Variants in CSMD1 observed in about 807,000 individuals in gnomAD.
CSMD1 encodes CUB and Sushi multiple domains 1, also known as CUB and sushi domain-containing protein 1.
In CSMD1, 213 loss-of-function variants were observed where a neutral mutation model predicts 417.5. That is an observed-to-expected ratio of 0.51 (90% CI 0.46 to 0.57). CSMD1 has a LOEUF of 0.57. CSMD1 is among the 20% of genes least tolerant of loss of function. CSMD1 has a pLI of 0.00. For synonymous variants in CSMD1, 2,862 were observed against 1,736.8 expected, an observed-to-expected ratio of 1.65 and a Z score of -16.11; for missense variants, 6,923 against 4,529.7, an observed-to-expected ratio of 1.53 and a Z score of -15.17.
At chr8:4,475,480 G>T (rs1191431974) in intron 2 of CSMD1, among the ~76,000 whole-genome samples, 1 of 152,146 alleles carries the variant, frequency 6.6e-6, no homozygotes, top group Non-Finnish European at 1.5e-5. Context: ...TCGATACAGA[G>T]AACCCAGAAT....
At chr8:3,263,662 G>A (rs1182273038) in intron 26 of CSMD1, among the ~76,000 whole-genome samples, 1 of 152,158 alleles carries the variant, frequency 6.6e-6, no homozygotes, top group Non-Finnish European at 1.5e-5. Context: ...ATTAGAAAAT[G>A]TAAAACATAA....
chr8:4,337,244 G>C (rs1195473114), intron 3 of CSMD1, among the ~76,000 whole-genome samples: 2 of 152,070 alleles, frequency 1.3e-5, no homozygotes, highest in African/African-American at 4.8e-5. Flanking sequence ...TCCACTGCCT[G>C]ATAAAACATA....
At chr8:3,388,658 A>G (rs980297501) in intron 17 of CSMD1, among the ~76,000 whole-genome samples, 9 of 152,330 alleles carry the variant, frequency 5.9e-5, no homozygotes, top group African/African-American at 2.2e-4. Flanking sequence ...CCTGGCCCCA[A>G]TACTTTTTTC....
chr8:3,792,737 T>G (rs1396588731), intron 5 of CSMD1, among the ~76,000 whole-genome samples: 1 of 152,186 alleles, frequency 6.6e-6, no homozygotes, highest in Non-Finnish European at 1.5e-5. Flanking sequence ...TCAACCAGAA[T>G]GCTCATTTTC....
chr8:3,452,252 T>A (rs990392092), intron 12 of CSMD1, among the ~76,000 whole-genome samples: 4 of 152,210 alleles, frequency 2.6e-5, no homozygotes, highest in Non-Finnish European at 5.9e-5. Flanking sequence ...TACAATCATG[T>A]CATCTGGAAA....
rs540553945 is a variant in CSMD1 at position 4,411,171 on chromosome 8, C to A, written c.415+8782G>T. On this transcript the variant is annotated intron_variant, in intron 3 of 69. Transcript: ENST00000635120. ...CTCTTTCCTTTATAAATTACCCAGTCTCAGGTAACACAGCAACATAAAATG... is the reference window on the plus strand; with the variant it reads ...CTCTTTCCTTTATAAATTACCCAGTATCAGGTAACACAGCAACATAAAATG... Among the ~76,000 whole-genome samples, 3 of 152,212 alleles carry A rather than the reference C, an allele frequency of 2.0e-5. No individual in the cohort carries two copies. The East Asian group carries it at 5.8e-4, about 29-fold the overall frequency.
At chr8:3,537,639 A>C (rs534887085) in intron 10 of CSMD1, among the ~76,000 whole-genome samples, 1 of 152,218 alleles carries the variant, frequency 6.6e-6, no homozygotes, top group Non-Finnish European at 1.5e-5. Flanking sequence ...AAATTTATGT[A>C]GCATCATTTA....
At chr8:4,051,205 C>T (rs897557453) in intron 3 of CSMD1, among the ~76,000 whole-genome samples, 1 of 151,074 alleles carries the variant, frequency 6.6e-6, no homozygotes, top group Non-Finnish European at 1.5e-5. Context: ...GCTGAGAGCA[C>T]AGCCTCCCAG....
intron 1 of CSMD1, among the ~76,000 whole-genome samples, chr8:4,938,789 G>A (rs1408225925): frequency 6.6e-6 from 1 of 152,142 alleles, no homozygotes; most frequent in African/African-American, 2.4e-5. Flanking sequence ...GCAGGGGAAT[G>A]CTTTTTTATA....
intron 10 of CSMD1, among the ~76,000 whole-genome samples, chr8:3,502,077 A>T (rs1796624619): frequency 6.6e-6 from 1 of 152,206 alleles, no homozygotes; most frequent in Admixed American, 6.5e-5. Context: ...CTTGGAATTT[A>T]ACACCAACAG....
chr8:3,367,078 T>C lies in CSMD1; in HGVS notation c.3069A>G (p.Ile1023Met). The change falls in exon 20 of 70, where the codon ATA (isoleucine) becomes ATG (methionine). Residue 1023 changes from isoleucine to methionine, a missense_variant. By Grantham distance (10) the Ile-to-Met change is conservative. Transcript: ENST00000635120. ...CCTCGTACGAAATTGAGAAGTCTGA[T>C]ATAAACCGAAGCTGGGCAGTGAAGT... Reference protein sequence around the residue: ...FGNFTAQLRFISDFSISYEGF... With the variant: ...FGNFTAQLRFMSDFSISYEGF... 3 of 1,613,826 alleles carry C rather than the reference T, an allele frequency of 1.9e-6. No homozygotes were observed. The highest frequency in any genetic ancestry group is 2.5e-6 in the Non-Finnish European group (3 of 1,179,848).
At chr8:3,478,681 G>T (rs988860711) in intron 11 of CSMD1, among the ~76,000 whole-genome samples, 2 of 152,140 alleles carry the variant, frequency 1.3e-5, no homozygotes, top group Non-Finnish European at 1.5e-5. Flanking sequence ...AGATGCAACT[G>T]TGACCCGTCT....
chr8:3,875,881 G>A (rs564128362), intron 5 of CSMD1, among the ~76,000 whole-genome samples: 53 of 152,266 alleles, frequency 3.5e-4, no homozygotes, highest in African/African-American at 1.2e-3. Context: ...TTCCAAACTT[G>A]GTAGGAAATC....
chr8:3,190,445 G>T (rs779410022), intron 33 of CSMD1, among the ~76,000 whole-genome samples: 1 of 152,162 alleles, frequency 6.6e-6, no homozygotes. Context: ...TATGAGGACG[G>T]ATTGATATTC....
chr8:3,427,941 C>T (rs1563378496), intron 12 of CSMD1, among the ~76,000 whole-genome samples: 1 of 152,142 alleles, frequency 6.6e-6, no homozygotes, highest in Admixed American at 6.6e-5. Context: ...CTTGCAGAAT[C>T]AGGAATTAAT....
intron 3 of CSMD1, among the ~76,000 whole-genome samples, chr8:4,327,095 A>C (rs4560811): frequency 6.6e-6 from 1 of 152,104 alleles, no homozygotes; most frequent in African/African-American, 2.4e-5. Flanking sequence ...CATATTCTTG[A>C]ACAGGAGAGG....
At chr8:4,968,125 A>AT (rs1218323032) in intron 1 of CSMD1, among the ~76,000 whole-genome samples, 2 of 152,122 alleles carry the variant, frequency 1.3e-5, no homozygotes, top group Non-Finnish European at 2.9e-5. Flanking sequence ...AAGAGAAGTG[A>AT]TTTTTATTAA....
chr8:4,824,789 T>A (rs1799725986), intron 1 of CSMD1, among the ~76,000 whole-genome samples: 1 of 152,160 alleles, frequency 6.6e-6, no homozygotes, highest in Admixed American at 6.6e-5. Context: ...ATAATTAGTA[T>A]TTTAATGTAC....
intron 50 of CSMD1, among the ~76,000 whole-genome samples, chr8:3,051,097 G>A: frequency 6.6e-6 from 1 of 152,184 alleles, no homozygotes; most frequent in East Asian, 1.9e-4. Context: ...CCATTACTGG[G>A]TATATACCCA....
Sources: gnomAD v4.1 joint callset for allele counts (sites outside exome capture counted in the v4.1 genomes callset) on GRCh38, gnomAD v4.1.1 for gene constraint, MANE v1.5 for transcripts, NCBI Gene and HGNC (gene_info 2026-07-23, HGNC 2026-07-21) for gene names.